Variants in ATRX observed in about 807,000 individuals in gnomAD.
ATRX encodes chromatin remodeler ATRX.
Under a neutral mutation model 172.6 loss-of-function variants are expected in ATRX, and 12 were observed. The observed-to-expected ratio is 0.07, with a 90% CI of 0.04 to 0.11. The LOEUF (loss-of-function observed/expected upper bound fraction) is 0.11, where lower values mean the gene tolerates loss of function less well. Among genes scored for constraint, ATRX ranks in the 10% least tolerant of loss-of-function variants. The pLI, the probability that ATRX is intolerant of heterozygous loss-of-function variation, is 1.00. For synonymous variants in ATRX, 674 were observed against 594.7 expected (o/e 1.13, Z -1.94); for missense variants, 1,368 against 1,767.4 (o/e 0.77, Z 4.05).
chrX:77,547,666 C>A (rs781837279), intron 30 of ATRX, among the ~76,000 whole-genome samples: 34 of 110,948 alleles, frequency 3.1e-4, no homozygotes, highest in East Asian at 2.3e-3. Context: ...AGAAAAAAAA[C>A]CCCTTTCAAT....
intron 10 of ATRX, 70 bp from the exon 11 acceptor site, chrX:77,664,848 A>G (rs914860427): frequency 3.0e-6 from 3 of 983,937 alleles, no homozygotes; most frequent in Admixed American, 5.8e-5. Context: ...TAAAAATAAA[A>G]ACAGACTTCT....
intron 30 of ATRX, among the ~76,000 whole-genome samples, chrX:77,548,705 A>G (rs1207043341): frequency 8.9e-6 from 1 of 112,781 alleles, no homozygotes; most frequent in African/African-American, 3.2e-5. Flanking sequence ...TGGTATTAAG[A>G]ATGACTAAGG....
chrX:77,716,998 A>C, intron 2 of ATRX, 133 bp downstream of exon 2: 1 of 527,038 alleles, frequency 1.9e-6, no homozygotes, highest in Non-Finnish European at 3.1e-6. Flanking sequence ...AAAGCTTGCT[A>C]ATCTGTCATT....
chrX:77,633,752 C>CA lies in ATRX; in HGVS notation c.4810-41dup, dbSNP rs782111058. 2.3e-5 allele frequency: 26 copies of CA among 1,148,833 alleles called. No homozygotes were observed. The South Asian group carries it at 3.3e-4, about 15-fold the overall frequency. 94.7% of individuals were successfully genotyped at this position (1,148,833 alleles called of 1,213,427 possible). ...ATTGTCACCTTCGTTTAAATATCCA[C>CA]AAAAAAATTTAATAAATTAAGCAAT... On this transcript the variant is annotated intron_variant, in intron 17 of 34. Transcript: ENST00000373344.
chrX:77,620,277 G>A, intron 20 of ATRX, 118 bp downstream of exon 20: 2 of 773,027 alleles, frequency 2.6e-6, no homozygotes, highest in Non-Finnish European at 3.8e-6. Flanking sequence ...ATGAACCTAT[G>A]TAGATCATGG....
chrX:77,568,145 T>A, intron 28 of ATRX, among the ~76,000 whole-genome samples: 2 of 93,538 alleles, frequency 2.1e-5, no homozygotes, highest in African/African-American at 3.9e-5. Flanking sequence ...AAAAGCAAGA[T>A]GAAATTAAAA....
intron 30 of ATRX, among the ~76,000 whole-genome samples, chrX:77,524,461 T>C: frequency 9.0e-6 from 1 of 111,700 alleles, no homozygotes; most frequent in African/African-American, 3.2e-5. Context: ...AAAGCCCACA[T>C]TTGAAAATAA....
intron 22 of ATRX, among the ~76,000 whole-genome samples, chrX:77,613,096 C>A (rs980347682): frequency 9.0e-6 from 1 of 110,648 alleles, no homozygotes; most frequent in Non-Finnish European, 1.9e-5. Context: ...GCTTTCAATT[C>A]TTCTGGGTAT....
intron 1 of ATRX, among the ~76,000 whole-genome samples, chrX:77,763,751 G>A (rs1410305922): frequency 9.0e-6 from 1 of 110,855 alleles, no homozygotes; most frequent in Non-Finnish European, 1.9e-5. Context: ...TTACAGGCGT[G>A]AGCCACCACA....
chrX:77,571,300 T>G (rs2148008199), intron 28 of ATRX, among the ~76,000 whole-genome samples: 1 of 111,715 alleles, frequency 9.0e-6, no homozygotes, highest in South Asian at 3.7e-4. Flanking sequence ...CTGGACAAAA[T>G]GAAAATGTCC....
intron 34 of ATRX, among the ~76,000 whole-genome samples, chrX:77,516,313 G>A (rs2063052308): frequency 9.0e-6 from 1 of 111,306 alleles, no homozygotes; most frequent in African/African-American, 3.3e-5. Context: ...TTTTAAAAAA[G>A]ACCCAACCAT....
chrX:77,765,681 A>C (rs1198643611), intron 1 of ATRX, among the ~76,000 whole-genome samples: 1 of 109,539 alleles, frequency 9.1e-6, no homozygotes, highest in East Asian at 2.8e-4. Flanking sequence ...TTTTTTTTTA[A>C]TTTTTTTTAT....
In ATRX at chrX:77,566,205, G is replaced by A. The variant is rs182915925; in HGVS notation, c.6327-7359C>T. On this transcript the variant is annotated intron_variant, in intron 28 of 34. Coordinates refer to ENST00000373344, the MANE Select transcript of ATRX (RefSeq NM_000489.6). ...ACAGGATAAACCCAAACAAATACGT[G>A]ACAAAATATATCAGTCATCTTCCAA... Among the ~76,000 whole-genome samples the A allele has an allele frequency of 9.4e-4, 104 of 111,177 alleles. 1 individual carries two copies. Among genetic ancestry groups the A allele is most frequent in the African/African-American group, 3.3e-3 (102 of 30,649 alleles).
At chrX:77,765,503 AG>A (rs1421572118) in intron 1 of ATRX, among the ~76,000 whole-genome samples, 21 of 111,404 alleles carry the variant, frequency 1.9e-4, no homozygotes, top group Non-Finnish European at 2.1e-4. Flanking sequence ...ACTTTCTTAC[AG>A]AAGTGTTATA....
In ATRX at chrX:77,558,843, T is replaced by C. The variant is rs368051003; in HGVS notation, c.6330A>G (p.Gly2110=). 11 of 1,185,169 alleles carry C rather than the reference T, an allele frequency of 9.3e-6. No homozygotes were observed. Among genetic ancestry groups the C allele is most frequent in the Non-Finnish European group, 1.3e-5 (11 of 872,022 alleles). ...CTTTAGTAGAAATGATAAATAATCG[T>C]CCTCTGAAAATGAAAATATAGAATA... ...EEFNDETNVR[G]RLFIISTKAG... The change falls in exon 29 of 35, where the codon GGA becomes GGG. Residue 2110 remains glycine, a synonymous_variant. Transcript: ENST00000373344.
At chrX:77,671,772 CT>C (rs1172991446) in intron 10 of ATRX, among the ~76,000 whole-genome samples, 1 of 110,244 alleles carries the variant, frequency 9.1e-6, no homozygotes, top group Non-Finnish European at 1.9e-5. Context: ...TTCTCTTTTT[CT>C]TTTTTTTCTT....
intron 10 of ATRX, among the ~76,000 whole-genome samples, chrX:77,667,088 A>G (rs2148507207): frequency 9.0e-6 from 1 of 110,879 alleles, no homozygotes; most frequent in Non-Finnish European, 1.9e-5. Flanking sequence ...TTAAAAAAAA[A>G]AAACTTCTAA....
intron 7 of ATRX, among the ~76,000 whole-genome samples, chrX:77,686,806 T>C (rs1027611444): frequency 9.0e-6 from 1 of 111,067 alleles, no homozygotes; most frequent in Admixed American, 9.6e-5. Flanking sequence ...ATTAATGCCT[T>C]GAAACAGATT....
At chrX:77,664,385 G>A (rs782317397) in intron 11 of ATRX, among the ~76,000 whole-genome samples, 1 of 109,644 alleles carries the variant, frequency 9.1e-6, no homozygotes, top group South Asian at 4.0e-4. Flanking sequence ...TCAGCCTCCT[G>A]AGTAGCTGGG....
Sources: gnomAD v4.1 joint callset for allele counts (sites outside exome capture counted in the v4.1 genomes callset) on GRCh38, gnomAD v4.1.1 for gene constraint, MANE v1.5 for transcripts, NCBI Gene and HGNC (gene_info 2026-07-23, HGNC 2026-07-21) for gene names.